The following LPIN2 variants were observed in gnomAD, a reference collection of about 807,000 sequenced individuals.
LPIN2 encodes phosphatidate phosphatase LPIN2.
Under a neutral mutation model 111.4 loss-of-function variants are expected in LPIN2, and 55 were observed. That is an observed-to-expected ratio of 0.49 (90% confidence interval 0.40 to 0.62). LPIN2 has a LOEUF of 0.62. LPIN2 is among the 20% of genes least tolerant of loss of function. LPIN2 has a pLI of 0.00. For missense variants in LPIN2, 992 were observed against 1,112.1 expected, an observed-to-expected ratio of 0.89 and a Z score of 1.54; for synonymous variants, 425 against 414.0, an observed-to-expected ratio of 1.03 and a Z score of -0.32.
chr18:2,977,762 G>C (rs1173630483), intron 1 of LPIN2, among the ~76,000 whole-genome samples: 1 of 152,110 alleles, frequency 6.6e-6, no homozygotes, highest in Non-Finnish European at 1.5e-5. Context: ...ATATATAAGT[G>C]AGAAATGACA....
intron 1 of LPIN2, among the ~76,000 whole-genome samples, chr18:2,988,752 T>A (rs2078221852): frequency 6.6e-6 from 1 of 152,218 alleles, no homozygotes; most frequent in Non-Finnish European, 1.5e-5. Context: ...CAAAGAGGCA[T>A]CTGAAAGTTG....
chr18:2,918,802 C>T lies in LPIN2; in HGVS notation c.*1491G>A, dbSNP rs2077006831. The stretch of plus-strand genomic sequence containing the variant: ...CCCTATTTCTCTATCTCTAGATCAG[C>T]ATTATTTTAGGTGAAGCAAACTAAA... On this transcript the variant is annotated 3_prime_UTR_variant, in exon 20 of 20. Transcript: ENST00000677752. The T allele has an allele frequency of 6.6e-6, 1 of 152,188 alleles. No homozygotes were observed. Among genetic ancestry groups the T allele is most frequent in the Non-Finnish European group, 1.5e-5 (1 of 68,046 alleles). The allele number at this position is 152,188 out of a possible 1,614,324, so 9.4% of individuals were successfully genotyped here. A position where few individuals can be genotyped will look rare whatever the true frequency, so the allele number is the denominator to read the frequency against.
At chr18:2,993,174 A>G (rs1233443072) in intron 1 of LPIN2, among the ~76,000 whole-genome samples, 1 of 151,834 alleles carries the variant, frequency 6.6e-6, no homozygotes, top group African/African-American at 2.4e-5. Context: ...GAAAGGAAGA[A>G]GGAAAAAAGA....
intron 1 of LPIN2, among the ~76,000 whole-genome samples, 164 bp from the exon 2 acceptor site, chr18:2,961,013 T>C (rs753163160): frequency 3.0e-4 from 46 of 152,224 alleles, no homozygotes; most frequent in Admixed American, 2.0e-3. Flanking sequence ...CCATTGTTTC[T>C]ACGCATTTCC....
intron 2 of LPIN2, among the ~76,000 whole-genome samples, chr18:2,955,280 G>A (rs944205183): frequency 1.9e-4 from 29 of 152,162 alleles, no homozygotes; most frequent in African/African-American, 6.8e-4. Context: ...CAAGCACGGC[G>A]TTGGCATCTG....
intron 1 of LPIN2, 64 bp downstream of exon 1, chr18:3,013,023 G>A (rs1267834952): frequency 6.6e-6 from 1 of 150,698 alleles, no homozygotes; most frequent in Non-Finnish European, 1.5e-5. Flanking sequence ...AAGCCCCCAG[G>A]CGCAGACACT....
chr18:2,977,508 C>A (rs1401339724), intron 1 of LPIN2, among the ~76,000 whole-genome samples: 2 of 152,156 alleles, frequency 1.3e-5, no homozygotes, highest in Non-Finnish European at 2.9e-5. Context: ...AACCAGGGTT[C>A]CTTGGAAAAG....
chr18:2,939,008 A>G (rs1363102563), intron 6 of LPIN2, among the ~76,000 whole-genome samples: 1 of 152,184 alleles, frequency 6.6e-6, no homozygotes, highest in Non-Finnish European at 1.5e-5. Flanking sequence ...TAAAAACTAA[A>G]AAATTAACTG....
At chr18:2,972,019 C>G (rs759309703) in intron 1 of LPIN2, among the ~76,000 whole-genome samples, 6 of 152,042 alleles carry the variant, frequency 3.9e-5, no homozygotes, top group Non-Finnish European at 5.9e-5. Flanking sequence ...TGCATTACAG[C>G]CTGGGCGACA....
At chr18:2,991,086 T>G in intron 1 of LPIN2, 1 of 539,840 alleles carries the variant, frequency 1.9e-6, no homozygotes, top group South Asian at 1.5e-5. Context: ...ACAGAAAGGA[T>G]AGAGGGGAGG....
Position 2,951,183 on chromosome 18 carries a change from C to G in LPIN2, c.462G>C (p.Lys154Asn). Residue 154 changes from lysine to asparagine, a missense_variant, in exon 4 of 20, where the codon AAG becomes AAC. Lys to Asn is a moderately conservative substitution (Grantham distance 94, BLOSUM62 0). This residue lies in a region of LPIN2 where 709 missense variants were observed against 753.2 expected (regional missense o/e 0.94). Transcript: ENST00000677752. ...TGTATTTCTTTCTCCTTCGTTTTTTCTTTTTCACAGAACTTGGAGTAAAAA... is the reference window on the plus strand; with the variant it reads ...TGTATTTCTTTCTCCTTCGTTTTTTGTTTTTCACAGAACTTGGAGTAAAAA... ...ETIFTPSSVK[K>N]KKRRRKKYKQ... The G allele has an allele frequency of 6.2e-7, 1 of 1,614,020 alleles. No homozygotes were observed. Among genetic ancestry groups the G allele is most frequent in the Non-Finnish European group, 8.5e-7 (1 of 1,179,980 alleles).
At chr18:2,954,418 T>TA in intron 3 of LPIN2, 86 bp downstream of exon 3, 6 of 911,294 alleles carry the variant, frequency 6.6e-6, no homozygotes, top group Non-Finnish European at 1.1e-5. Flanking sequence ...CAATCAACCA[T>TA]AAAAAACTGC....
chr18:2,994,173 T>C (rs1477550873), intron 1 of LPIN2, among the ~76,000 whole-genome samples: 1 of 152,240 alleles, frequency 6.6e-6, no homozygotes, highest in Non-Finnish European at 1.5e-5. Flanking sequence ...GTACCAATAC[T>C]GCCTTTAGTC....
intron 1 of LPIN2, among the ~76,000 whole-genome samples, chr18:2,975,658 G>T (rs892854218): frequency 1.3e-5 from 2 of 152,098 alleles, no homozygotes; most frequent in East Asian, 3.8e-4. Flanking sequence ...ATACGATTAC[G>T]TTATGAACAT....
At chr18:2,921,711 C>CA in intron 17 of LPIN2, 64 bp from the exon 18 acceptor site, 1 of 1,204,438 alleles carries the variant, frequency 8.3e-7, no homozygotes, top group Non-Finnish European at 1.2e-6. Flanking sequence ...GTGAGTGGTC[C>CA]TAAAATTTTA....
intron 11 of LPIN2, 53 bp from the exon 12 acceptor site, chr18:2,927,864 C>G (rs1195660330): frequency 6.9e-7 from 1 of 1,451,430 alleles, no homozygotes; most frequent in Admixed American, 1.7e-5. Context: ...CACACAGCAC[C>G]TACCTTCTAT....
At position 2,920,448 on chromosome 18, in the gene LPIN2, G is replaced by A. The variant is rs776045621; in HGVS notation, c.2547-11C>T. ...CTCAGCCTGTGATACCTAAGAGAAA[G>A]GTTGGGGAAGAGGCACAGGCTATTA... On this transcript the variant is annotated splice_polypyrimidine_tract_variant and intron_variant, in intron 19 of 19. Transcript: ENST00000677752. 5.3e-5 allele frequency: 86 copies of A among 1,613,410 alleles called. No homozygotes were observed. The highest frequency in any genetic ancestry group is 1.3e-4 in the Admixed American group (8 of 60,008).
At chr18:2,991,731 G>C (rs2078268267) in intron 1 of LPIN2, among the ~76,000 whole-genome samples, 1 of 152,046 alleles carries the variant, frequency 6.6e-6, no homozygotes, top group South Asian at 2.1e-4. Flanking sequence ...TAATAATAAG[G>C]CCGGGCACAG....
intron 1 of LPIN2, among the ~76,000 whole-genome samples, chr18:3,003,139 T>C (rs1233521605): frequency 6.6e-6 from 1 of 152,238 alleles, no homozygotes; most frequent in African/African-American, 2.4e-5. Flanking sequence ...AAAAGTATAT[T>C]CATGAATTTG....
Sources: gnomAD v4.1 joint callset for allele counts (sites outside exome capture counted in the v4.1 genomes callset) on GRCh38, gnomAD v4.1.1 for gene constraint, gnomAD v4.1.1 regional missense constraint, MANE v1.5 for transcripts, NCBI Gene and HGNC (gene_info 2026-07-23, HGNC 2026-07-21) for gene names.